The following TMEM248 variants were observed in gnomAD, a reference collection of about 807,000 sequenced individuals.
The protein encoded by TMEM248 is transmembrane protein 248.
Under a neutral mutation model 30.3 loss-of-function variants are expected in TMEM248, and 9 were observed. The ratio of observed to expected loss-of-function variants is 0.30; its 90% CI spans 0.18 to 0.52. The LOEUF (loss-of-function observed/expected upper bound fraction) is 0.52, where lower values mean the gene tolerates loss of function less well. Among genes scored for constraint, TMEM248 ranks in the 20% least tolerant of loss-of-function variants. The pLI is 0.97. For synonymous variants in TMEM248, 184 were observed against 154.4 expected (o/e 1.19, Z -1.42); for missense variants, 338 against 403.3 (o/e 0.84, Z 1.39).
At chr7:66,932,276 C>T (rs1157969583) in intron 1 of TMEM248, among the ~76,000 whole-genome samples, 1 of 152,212 alleles carries the variant, frequency 6.6e-6, no homozygotes, top group East Asian at 1.9e-4. Flanking sequence ...TCCCACACCT[C>T]TCCCTTTCAC....
At chr7:66,927,619 G>GT (rs1488122836) in intron 1 of TMEM248, among the ~76,000 whole-genome samples, 22 of 141,848 alleles carry the variant, frequency 1.6e-4, no homozygotes, top group Admixed American at 1.1e-3. Context: ...TTTAATTTGG[G>GT]TTTTGTTTTT....
At position 66,953,252 on chromosome 7, in the gene TMEM248, T is replaced by C. The variant is rs770320756; in HGVS notation, c.807T>C (p.His269=). The C allele has an allele frequency of 3.7e-6, 6 of 1,614,148 alleles. No homozygotes were observed. The South Asian group carries it at 6.6e-5, about 18-fold the overall frequency. Residue 269 remains histidine, a synonymous_variant, in exon 6 of 7, where the codon CAT becomes CAC. Coordinates refer to ENST00000341567, the MANE Select transcript of TMEM248 (RefSeq NM_017994.5). ...ATGACCGTTCATTAATAAATTTGCA[T>C]CTCATGCACACCAGTTACTTCCTCT... ...PDDDRSLINL[H]LMHTSYFLFV... is the part of the protein sequence containing the mutation.
At chr7:66,948,050 G>T (rs1032922277) in intron 3 of TMEM248, among the ~76,000 whole-genome samples, 1 of 152,160 alleles carries the variant, frequency 6.6e-6, no homozygotes, top group East Asian at 1.9e-4. Context: ...GAACCACTGT[G>T]CCTGGCAATA....
At chr7:66,926,778 CTTAAG>C (rs1385207416) in intron 1 of TMEM248, among the ~76,000 whole-genome samples, 9 of 152,138 alleles carry the variant, frequency 5.9e-5, no homozygotes, top group Non-Finnish European at 8.8e-5. Context: ...CATGGAAATC[CTTAAG>C]TTAACTTTCT....
chr7:66,931,777 C>T (rs1167808861), intron 1 of TMEM248, among the ~76,000 whole-genome samples: 6 of 146,584 alleles, frequency 4.1e-5, no homozygotes, highest in Non-Finnish European at 8.9e-5. Flanking sequence ...TGTGCCCAAC[C>T]AGGAGGCCTT....
rs529144890 is a variant in TMEM248 at position 66,944,996 on chromosome 7, A to G, written c.180A>G (p.Leu60=). The G allele has an allele frequency of 9.5e-5, 153 of 1,614,140 alleles. No homozygotes were observed. In the South Asian group the frequency reaches 1.6e-3, roughly 17 times the overall value. ...EMAEDWNTFL[L]RFNDLDLCVS... is the part of the protein sequence containing the mutation. ...CAAAGGATTGGAATACTTTTCTGCT[A>G]CGGTTCAATGATTTGGACTTGTGTG... Residue 60 remains leucine, a synonymous_variant, in exon 3 of 7, where the codon CTA becomes CTG. Coordinates refer to ENST00000341567, the MANE Select transcript of TMEM248 (RefSeq NM_017994.5).
At chr7:66,939,290 C>A (rs79669133) in intron 1 of TMEM248, among the ~76,000 whole-genome samples, 1 of 152,140 alleles carries the variant, frequency 6.6e-6, no homozygotes, top group Non-Finnish European at 1.5e-5. Context: ...TGTTGCAATG[C>A]GCTTGGTGGG....
intron 6 of TMEM248, among the ~76,000 whole-genome samples, chr7:66,954,459 C>T (rs1024444316): frequency 6.8e-6 from 1 of 147,410 alleles, no homozygotes; most frequent in Admixed American, 6.9e-5. Flanking sequence ...GATCGTAGCT[C>T]ATGACTCAAT....
intron 1 of TMEM248, chr7:66,922,226 T>G (rs1468950873): frequency 6.6e-6 from 1 of 152,202 alleles, no homozygotes; most frequent in African/African-American, 2.4e-5. Flanking sequence ...CCGCCTGAAC[T>G]GCTTCTTTCC....
At chr7:66,929,924 C>G (rs1791622573) in intron 1 of TMEM248, among the ~76,000 whole-genome samples, 1 of 152,100 alleles carries the variant, frequency 6.6e-6, no homozygotes, top group Admixed American at 6.6e-5. Context: ...ATTTGGGAGG[C>G]TGACGCGGGA....
intron 3 of TMEM248, among the ~76,000 whole-genome samples, chr7:66,946,098 AAAG>A (rs1468724354): frequency 2.0e-5 from 3 of 151,428 alleles, no homozygotes; most frequent in East Asian, 1.9e-4. Flanking sequence ...AAAAAAAAAA[AAAG>A]AAGTCAGCTG....
chr7:66,945,823 C>T (rs1022288869), intron 3 of TMEM248, among the ~76,000 whole-genome samples: 1 of 152,048 alleles, frequency 6.6e-6, no homozygotes, highest in Non-Finnish European at 1.5e-5. Context: ...CGGTGGCTCA[C>T]GCCTGTAATC....
At chr7:66,940,772 G>A (rs1215268738) in intron 1 of TMEM248, among the ~76,000 whole-genome samples, 2 of 152,182 alleles carry the variant, frequency 1.3e-5, no homozygotes, top group African/African-American at 4.8e-5. Context: ...GGCTGGGATG[G>A]CTGTGAGCCA....
chr7:66,942,062 C>G (rs1455272992), intron 2 of TMEM248, 38 bp downstream of exon 2: 22 of 1,599,348 alleles, frequency 1.4e-5, no homozygotes, highest in Middle Eastern at 3.3e-4. Flanking sequence ...CTGGCTGGTC[C>G]TTGTGCAGTG....
At chr7:66,935,853 C>G (rs1299290384) in intron 1 of TMEM248, among the ~76,000 whole-genome samples, 5 of 152,128 alleles carry the variant, frequency 3.3e-5, no homozygotes, top group Non-Finnish European at 1.5e-5. Flanking sequence ...CTCTTGATTT[C>G]TTTTTTAGAT....
At chr7:66,925,433 C>A (rs375696599) in intron 1 of TMEM248, among the ~76,000 whole-genome samples, 1 of 152,184 alleles carries the variant, frequency 6.6e-6, no homozygotes, top group Non-Finnish European at 1.5e-5. Context: ...TTCCCCACCC[C>A]CTGCTTCTGT....
chr7:66,935,759 G>A (rs904099462), intron 1 of TMEM248, among the ~76,000 whole-genome samples: 2 of 151,974 alleles, frequency 1.3e-5, no homozygotes, highest in Admixed American at 6.6e-5. Context: ...GGCCAGGCTG[G>A]TCTCGAACTC....
At chr7:66,948,521 A>T in intron 3 of TMEM248, 23 bp from the exon 4 acceptor site, 1 of 1,606,838 alleles carries the variant, frequency 6.2e-7, no homozygotes, top group Non-Finnish European at 8.5e-7. Flanking sequence ...TGACTTTATA[A>T]AAAAATGATT....
chr7:66,928,775 AT>A (rs34117237), intron 1 of TMEM248, among the ~76,000 whole-genome samples: 16,100 of 150,626 alleles, frequency 0.11, 1,027 homozygotes, highest in South Asian at 0.2. Context: ...TCTTAAAAAA[AT>A]TTTTTTTTTC....
Sources: gnomAD v4.1 joint callset for allele counts (sites outside exome capture counted in the v4.1 genomes callset) on GRCh38, gnomAD v4.1.1 for gene constraint, MANE v1.5 for transcripts, NCBI Gene and HGNC (gene_info 2026-07-23, HGNC 2026-07-21) for gene names.